Variants in ANK2 observed in about 807,000 individuals in gnomAD.
ANK2 encodes the protein ankyrin 2, also known as ankyrin-2.
A neutral mutation model predicts 360.5 loss-of-function variants in ANK2; 83 were observed. That is an observed-to-expected ratio of 0.23 (90% CI 0.19 to 0.28). ANK2 has a LOEUF of 0.28. Ranked by LOEUF, ANK2 falls within the 10% of genes least tolerant of loss-of-function variation. The pLI is 1.00. For missense variants in ANK2, 4,201 were observed against 4,795.7 expected, an observed-to-expected ratio of 0.88 and a Z score of 3.66; for synonymous variants, 1,740 against 1,759.5, an observed-to-expected ratio of 0.99 and a Z score of 0.28.
intron 1 of ANK2, chr4:112,882,294 A>T (rs2076917597): frequency 6.6e-6 from 1 of 152,550 alleles, no homozygotes; most frequent in South Asian, 2.1e-4. Flanking sequence ...TTACAAAAGG[A>T]GGAAAATTAA....
chr4:112,711,811 C>T, the ANK2 span, among the ~76,000 whole-genome samples: 3 of 150,486 alleles, frequency 2.0e-5, no homozygotes, highest in East Asian at 5.9e-4. Context: ...CAGAGTGAGA[C>T]TCTGTCTCAA....
At chr4:113,055,893 C>T (rs1003116243) in intron 1 of ANK2, among the ~76,000 whole-genome samples, 1 of 152,158 alleles carries the variant, frequency 6.6e-6, no homozygotes, top group Non-Finnish European at 1.5e-5. Context: ...CCTCCTGATT[C>T]TTCCTTCCAG....
chr4:112,775,076 C>T, the ANK2 span, among the ~76,000 whole-genome samples: 2 of 152,020 alleles, frequency 1.3e-5, no homozygotes, highest in Admixed American at 1.3e-4. Context: ...TTTGGACCAG[C>T]TGGAGGTGGA....
At chr4:113,151,531 G>T (rs926223835) in intron 1 of ANK2, among the ~76,000 whole-genome samples, 3 of 152,002 alleles carry the variant, frequency 2.0e-5, no homozygotes, top group African/African-American at 7.2e-5. Flanking sequence ...CACCAGAATG[G>T]CACTAAGCCA....
intron 1 of ANK2, among the ~76,000 whole-genome samples, chr4:113,109,407 G>A (rs933151405): frequency 2.0e-5 from 3 of 152,114 alleles, no homozygotes; most frequent in African/African-American, 7.2e-5. Flanking sequence ...CGAAGCTTGA[G>A]TTTTGTTGTA....
intron 4 of ANK2, among the ~76,000 whole-genome samples, chr4:113,214,962 A>T (rs796436110): frequency 6.6e-6 from 1 of 152,240 alleles, no homozygotes; most frequent in South Asian, 2.1e-4. Flanking sequence ...TAACTATTTT[A>T]TTGTACAGGA....
At position 112,838,453 on chromosome 4, in the gene ANK2, T is replaced by C. The variant is rs2149770915; in HGVS notation, c.-40+20189T>C. On this transcript the variant is annotated intron_variant, in intron 1 of 30. Transcript: ENST00000503271. ...CAGTCCCAATCTGGAAAGGCTCAGATGGAATGCAAACAGCACTTCATTTAA... is the reference window on the plus strand; with the variant it reads ...CAGTCCCAATCTGGAAAGGCTCAGACGGAATGCAAACAGCACTTCATTTAA... 2.0e-5 allele frequency among the ~76,000 whole-genome samples: 3 copies of C among 152,368 alleles called. No individual in the cohort carries two copies. The South Asian group carries it at 6.2e-4, about 32-fold the overall frequency.
At chr4:113,014,905 C>T (rs1004891516) in intron 2 of ANK2, among the ~76,000 whole-genome samples, 20 of 121,436 alleles carry the variant, frequency 1.6e-4, no homozygotes, top group Non-Finnish European at 3.0e-4. Context: ...GTCACCCAGG[C>T]TGGAGTGCAG....
chr4:113,114,590 T>TA (rs890546188), intron 1 of ANK2, among the ~76,000 whole-genome samples: 60 of 152,196 alleles, frequency 3.9e-4, no homozygotes, highest in African/African-American at 1.3e-3. Context: ...AGTTGAAGTT[T>TA]AAAAAATGTG....
chr4:112,737,193 A>G, the ANK2 span, among the ~76,000 whole-genome samples: 1 of 152,384 alleles, frequency 6.6e-6, no homozygotes, highest in East Asian at 1.9e-4. Flanking sequence ...TGCTGTGCAC[A>G]TAGTAAATAG....
At chr4:112,984,433 TC>T (rs990596510) in intron 2 of ANK2, among the ~76,000 whole-genome samples, 1 of 152,150 alleles carries the variant, frequency 6.6e-6, no homozygotes, top group Non-Finnish European at 1.5e-5. Flanking sequence ...CAGGAAAACT[TC>T]CTGTTGTAAT....
At chr4:113,152,370 G>A (rs1175925752) in intron 1 of ANK2, 2 of 152,128 alleles carry the variant, frequency 1.3e-5, no homozygotes, top group African/African-American at 4.8e-5. Flanking sequence ...GACATCTGCT[G>A]TGCCTCTTAC....
chr4:113,168,691 T>C (rs2097842087), intron 1 of ANK2, among the ~76,000 whole-genome samples: 1 of 152,220 alleles, frequency 6.6e-6, no homozygotes, highest in African/African-American at 2.4e-5. Context: ...GTGTTCTGAC[T>C]GCAAGAAAGT....
At chr4:113,000,998 T>G (rs1201830349) in intron 2 of ANK2, among the ~76,000 whole-genome samples, 1 of 149,574 alleles carries the variant, frequency 6.7e-6, no homozygotes, top group Non-Finnish European at 1.5e-5. Flanking sequence ...GAACAGTTTT[T>G]TTCTTTCCAT....
intron 31 of ANK2, among the ~76,000 whole-genome samples, chr4:113,337,222 C>G (rs550255026): frequency 3.3e-5 from 5 of 152,280 alleles, no homozygotes; most frequent in Middle Eastern, 3.4e-3. Flanking sequence ...TAATTATACC[C>G]AATAGTTCAA....
intron 1 of ANK2, among the ~76,000 whole-genome samples, chr4:112,829,489 T>TATAAAAAAAAAAAAA (rs2059192165): frequency 6.1e-5 from 1 of 16,418 alleles, no homozygotes; most frequent in Non-Finnish European, 8.9e-5. Flanking sequence ...AGCCCATCTC[T>TATAAAAAAAAAAAAA]ACAAAAAAAA....
intron 34 of ANK2, among the ~76,000 whole-genome samples, chr4:113,343,711 G>A (rs949832376): frequency 6.6e-6 from 1 of 152,154 alleles, no homozygotes; most frequent in Admixed American, 6.5e-5. Flanking sequence ...ATATATGCAA[G>A]TTTCATTTTA....
the ANK2 span, chr4:112,788,514 C>T: frequency 6.3e-7 from 1 of 1,578,676 alleles, no homozygotes; most frequent in African/African-American, 1.3e-5. Flanking sequence ...TCCCCTTTGC[C>T]AGCAGCTTTC....
At chr4:113,330,142 AAGAG>A in intron 26 of ANK2, 100 bp from the exon 27 acceptor site, 1 of 1,143,540 alleles carries the variant, frequency 8.7e-7, no homozygotes, top group Non-Finnish European at 1.3e-6. Flanking sequence ...TTAAATAAAA[AAGAG>A]AGATTTTGAG....
Sources: gnomAD v4.1 joint callset for allele counts (sites outside exome capture counted in the v4.1 genomes callset) on GRCh38, gnomAD v4.1.1 for gene constraint, MANE v1.5 for transcripts, NCBI Gene and HGNC (gene_info 2026-07-23, HGNC 2026-07-21) for gene names.